SRBD1: variants seen among roughly 807,000 people sequenced by gnomAD.
The protein encoded by SRBD1 is S1 RNA binding domain 1.
SRBD1 carries 88 observed loss-of-function variants against 115.3 expected under a neutral mutation model. That is an observed-to-expected ratio of 0.76 (90% CI 0.64 to 0.91). The LOEUF is 0.91. SRBD1 is among the 40% of genes least tolerant of loss of function. The probability of loss-of-function intolerance (pLI) is 0.00; values close to 1 mark genes in which losing one functional copy is unlikely to be tolerated. For synonymous variants in SRBD1, 509 were observed against 407.7 expected (o/e 1.25, Z -2.99); for missense variants, 1,385 against 1,177.4 (o/e 1.18, Z -2.58).
At chr2:45,609,017 G>A (rs58158297) in intron 1 of SRBD1, among the ~76,000 whole-genome samples, 27,196 of 151,958 alleles carry the variant, frequency 0.18, 2,620 homozygotes, top group Middle Eastern at 0.22. Flanking sequence ...ACGTTGGCCA[G>A]GCTGGTCTCG....
chr2:45,431,037 A>G (rs1404201691), intron 16 of SRBD1, among the ~76,000 whole-genome samples: 1 of 152,246 alleles, frequency 6.6e-6, no homozygotes, highest in African/African-American at 2.4e-5. Context: ...AACATGAAAA[A>G]AAGCTCATCA....
chr2:45,418,743 T>C (rs1319405289), intron 17 of SRBD1, among the ~76,000 whole-genome samples: 3 of 146,216 alleles, frequency 2.1e-5, no homozygotes, highest in Non-Finnish European at 4.5e-5. Flanking sequence ...GACAACAGAA[T>C]AAAAAAATAA....
At chr2:45,508,020 CCT>C (rs1257108667) in intron 14 of SRBD1, among the ~76,000 whole-genome samples, 6 of 152,096 alleles carry the variant, frequency 3.9e-5, no homozygotes, top group African/African-American at 1.4e-4. Context: ...CTTACTGTCC[CCT>C]GACACAAGTT....
At chr2:45,421,056 T>G (rs766510830) in intron 16 of SRBD1, among the ~76,000 whole-genome samples, 10 of 152,178 alleles carry the variant, frequency 6.6e-5, no homozygotes, top group Non-Finnish European at 1.3e-4. Flanking sequence ...TATTCAATGG[T>G]TTGTTAACTA....
At chr2:45,482,491 G>A (rs1416409952) in intron 15 of SRBD1, among the ~76,000 whole-genome samples, 2 of 151,904 alleles carry the variant, frequency 1.3e-5, no homozygotes, top group Non-Finnish European at 2.9e-5. Flanking sequence ...TGGTGAAAGG[G>A]TACATAATTG....
intron 14 of SRBD1, among the ~76,000 whole-genome samples, chr2:45,533,655 C>T (rs563719998): frequency 4.2e-4 from 64 of 152,012 alleles, no homozygotes; most frequent in Middle Eastern, 3.4e-3. Context: ...ACTGTACATA[C>T]GCAAACAGAT....
At chr2:45,526,371 C>T (rs1456132962) in intron 14 of SRBD1, among the ~76,000 whole-genome samples, 12 of 151,914 alleles carry the variant, frequency 7.9e-5, no homozygotes, top group Admixed American at 7.9e-4. Context: ...AATATGACTC[C>T]ATTCATAAGA....
chr2:45,600,283 C>T (rs1160694971), intron 3 of SRBD1, among the ~76,000 whole-genome samples: 3 of 150,110 alleles, frequency 2.0e-5, no homozygotes, highest in Non-Finnish European at 4.4e-5. Flanking sequence ...TGACATCTTA[C>T]TATAGATTTG....
chr2:45,437,125 G>C (rs1326001607), intron 16 of SRBD1, among the ~76,000 whole-genome samples: 1 of 152,054 alleles, frequency 6.6e-6, no homozygotes, highest in East Asian at 1.9e-4. Context: ...ACTAAGAGGA[G>C]AGATATTTCA....
chr2:45,421,351 C>A (rs1667993458), intron 16 of SRBD1, among the ~76,000 whole-genome samples: 1 of 151,292 alleles, frequency 6.6e-6, no homozygotes, highest in South Asian at 2.1e-4. Context: ...ACTAAAAATA[C>A]AAAAAATTAG....
At chr2:45,512,141 C>A (rs17394303) in intron 14 of SRBD1, among the ~76,000 whole-genome samples, 1 of 152,124 alleles carries the variant, frequency 6.6e-6, no homozygotes, top group Non-Finnish European at 1.5e-5. Context: ...AGATATGAGT[C>A]TTGCCAAAGG....
chr2:45,436,421 G>GA (rs1223421973), intron 16 of SRBD1, among the ~76,000 whole-genome samples: 1 of 152,176 alleles, frequency 6.6e-6, no homozygotes, highest in Non-Finnish European at 1.5e-5. Flanking sequence ...AGTAAGAAAA[G>GA]AAAAGTTATA....
chr2:45,486,861 C>A (rs1670138049), intron 15 of SRBD1, among the ~76,000 whole-genome samples: 1 of 151,880 alleles, frequency 6.6e-6, no homozygotes, highest in Non-Finnish European at 1.5e-5. Context: ...CACAATGTTT[C>A]ACATATACTA....
intron 14 of SRBD1, among the ~76,000 whole-genome samples, chr2:45,527,138 C>T (rs1394777906): frequency 6.6e-6 from 1 of 151,790 alleles, no homozygotes; most frequent in Non-Finnish European, 1.5e-5. Context: ...AAGGTTCTTA[C>T]ATATAAATAT....
chr2:45,561,419 T>C (rs977805246), intron 10 of SRBD1, among the ~76,000 whole-genome samples: 1 of 152,246 alleles, frequency 6.6e-6, no homozygotes, highest in Non-Finnish European at 1.5e-5. Context: ...TGATCCTTCA[T>C]TGCTTTTAAT....
intron 15 of SRBD1, among the ~76,000 whole-genome samples, chr2:45,485,789 G>A (rs533452448): frequency 2.6e-5 from 4 of 152,000 alleles, no homozygotes; most frequent in East Asian, 1.9e-4. Flanking sequence ...CTCACATAAC[G>A]TAAAAAGTCA....
At chr2:45,588,304 T>A (rs1673609150) in intron 4 of SRBD1, among the ~76,000 whole-genome samples, 1 of 152,200 alleles carries the variant, frequency 6.6e-6, no homozygotes, top group East Asian at 1.9e-4. Context: ...TTTCCCTAGA[T>A]CATTAGATGC....
intron 16 of SRBD1, among the ~76,000 whole-genome samples, chr2:45,457,999 C>T (rs938607450): frequency 6.6e-6 from 1 of 151,944 alleles, no homozygotes; most frequent in African/African-American, 2.4e-5. Flanking sequence ...TCAAAAAGCA[C>T]TTACTATTCA....
intron 16 of SRBD1, among the ~76,000 whole-genome samples, chr2:45,433,862 C>T (rs1270638025): frequency 6.6e-6 from 1 of 152,148 alleles, no homozygotes; most frequent in Non-Finnish European, 1.5e-5. Flanking sequence ...CTTCAAACAT[C>T]AGAAGATTTT....
Sources: gnomAD v4.1 joint callset for allele counts (sites outside exome capture counted in the v4.1 genomes callset) on GRCh38, gnomAD v4.1.1 for gene constraint, MANE v1.5 for transcripts, NCBI Gene and HGNC (gene_info 2026-07-23, HGNC 2026-07-21) for gene names.